Variants in PRPF39 observed in about 807,000 individuals in gnomAD.
The protein encoded by PRPF39 is pre-mRNA processing factor 39.
PRPF39 carries 27 observed loss-of-function variants against 82.1 expected under a neutral mutation model. The ratio of observed to expected loss-of-function variants is 0.33; its 90% CI spans 0.24 to 0.45. The LOEUF (loss-of-function observed/expected upper bound fraction) is 0.45, where lower values mean the gene tolerates loss of function less well. Among genes scored for constraint, PRPF39 ranks in the 20% least tolerant of loss-of-function variants. The probability of loss-of-function intolerance (pLI) is 1.00; values close to 1 mark genes in which losing one functional copy is unlikely to be tolerated. For synonymous variants in PRPF39, 261 were observed against 256.4 expected (o/e 1.02, Z -0.17); for missense variants, 581 against 796.9 (o/e 0.73, Z 3.26).
intron 1 of PRPF39, among the ~76,000 whole-genome samples, chr14:45,087,097 A>T (rs933872508): frequency 2.0e-5 from 3 of 152,118 alleles, no homozygotes; most frequent in African/African-American, 7.2e-5. Flanking sequence ...AATGGAAAGA[A>T]GGGGATAGTT....
At chr14:45,096,624 G>A (rs935600342) in intron 3 of PRPF39, 46 of 1,477,880 alleles carry the variant, frequency 3.1e-5, no homozygotes, top group Non-Finnish European at 3.9e-5. Context: ...TAATGGGTCT[G>A]TGCCCTATGG....
At chr14:45,112,540 T>C in intron 11 of PRPF39, 38 bp downstream of exon 11, 2 of 1,417,568 alleles carry the variant, frequency 1.4e-6, no homozygotes, top group African/African-American at 1.5e-5. Context: ...GAATGATAAA[T>C]GAGCATTGAT....
intron 1 of PRPF39, among the ~76,000 whole-genome samples, chr14:45,090,718 G>T (rs1883993812): frequency 6.6e-6 from 1 of 152,084 alleles, no homozygotes. Flanking sequence ...CTCCAAATGT[G>T]TGTGTGTATG....
At chr14:45,102,756 A>C in intron 5 of PRPF39, 60 bp downstream of exon 5, 3 of 1,393,718 alleles carry the variant, frequency 2.2e-6, no homozygotes, top group Non-Finnish European at 2.9e-6. Context: ...TGGTAATATT[A>C]AGTATTATAA....
At chr14:45,112,262 TC>T in intron 10 of PRPF39, 55 bp from the exon 11 acceptor site, 1 of 1,374,454 alleles carries the variant, frequency 7.3e-7, no homozygotes, top group Non-Finnish European at 9.7e-7. Flanking sequence ...ATTTTAAATA[TC>T]TGTGCTCTAA....
intron 2 of PRPF39, 173 bp downstream of exon 2, chr14:45,095,736 A>G (rs912887843): frequency 4.6e-6 from 4 of 867,474 alleles, no homozygotes; most frequent in African/African-American, 1.7e-5. Flanking sequence ...CAGCTTTTGT[A>G]TGTTGTAGAG....
chr14:45,112,288 A>G (rs2139067829), intron 10 of PRPF39, 30 bp from the exon 11 acceptor site: 1 of 1,515,254 alleles, frequency 6.6e-7, no homozygotes. Flanking sequence ...AATATTTTAG[A>G]AATATTCATT....
chr14:45,096,306 T>G, intron 3 of PRPF39, 78 bp downstream of exon 3: 1 of 1,498,278 alleles, frequency 6.7e-7, no homozygotes, highest in Admixed American at 2.5e-5. Flanking sequence ...TTTTTTTTTT[T>G]TTTTTTTTTT....
intron 11 of PRPF39, among the ~76,000 whole-genome samples, chr14:45,112,854 G>A (rs1478987769): frequency 6.6e-6 from 1 of 152,194 alleles, no homozygotes; most frequent in Non-Finnish European, 1.5e-5. Context: ...AATAAAGATG[G>A]ATGGGATTAA....
Position 45,108,442 on chromosome 14 carries a change from C to A in PRPF39, c.931C>A (p.His311Asn). The A allele has an allele frequency of 6.3e-7, 1 of 1,591,828 alleles. No homozygotes were observed. The highest frequency in any genetic ancestry group is 1.4e-5 in the African/African-American group (1 of 73,502). Reference protein sequence around the residue: ...KLITEIENMRHRIIEIHQEMF... With the variant: ...KLITEIENMRNRIIEIHQEMF... ...AATTACAGAAATAGAAAACATGAGA[C>A]ATAGAATCATTGAGATTCATCAAGA... The change falls in exon 7 of 14, where the codon CAT (histidine) becomes AAT (asparagine). Residue 311 changes from histidine (H) to asparagine (N), a missense_variant. By Grantham distance (68) the His-to-Asn change is moderately conservative. Coordinates refer to ENST00000355765, the MANE Select transcript of PRPF39 (RefSeq NM_017922.4).
chr14:45,095,338 T>C lies in PRPF39; in HGVS notation c.99T>C (p.Thr33=), dbSNP rs1487586886. The change falls in exon 2 of 14, where the codon ACT becomes ACC. Residue 33 remains threonine, a synonymous_variant. Transcript: ENST00000355765. ...TAGAACATCCTACTGATTTCAGTAC[T>C]GAGATTATGAACGTTACAGAAATGG... is the stretch of plus-strand genomic sequence containing the variant. ...VVVEHPTDFS[T]EIMNVTEMEQ... is the part of the protein sequence containing the mutation. The C allele has an allele frequency of 6.2e-7, 1 of 1,612,248 alleles. No individual in the cohort carries two copies. The highest frequency in any genetic ancestry group is 1.1e-5 in the South Asian group (1 of 91,048).
intron 1 of PRPF39, among the ~76,000 whole-genome samples, chr14:45,086,844 C>A (rs1339654059): frequency 7.2e-6 from 1 of 139,458 alleles, no homozygotes; most frequent in African/African-American, 2.7e-5. Context: ...CAGTGTTTCT[C>A]AGTTTTTTTT....
chr14:45,100,184 C>T (rs145760341), intron 4 of PRPF39, among the ~76,000 whole-genome samples: 8 of 152,196 alleles, frequency 5.3e-5, no homozygotes, highest in Non-Finnish European at 8.8e-5. Flanking sequence ...TAGCTGAGAT[C>T]GTGACATTGC....
chr14:45,094,993 T>A (rs1201780125), intron 1 of PRPF39, among the ~76,000 whole-genome samples: 1 of 152,220 alleles, frequency 6.6e-6, no homozygotes, highest in Non-Finnish European at 1.5e-5. Flanking sequence ...CCACAGTTAT[T>A]TGGTTTTCAT....
chr14:45,092,530 G>T (rs1287202336), intron 1 of PRPF39, among the ~76,000 whole-genome samples: 1 of 150,952 alleles, frequency 6.6e-6, no homozygotes, highest in Non-Finnish European at 1.5e-5. Flanking sequence ...GAACCCGGAA[G>T]GCGAGGGCTG....
Position 45,108,535 on chromosome 14 carries a change from G to C in PRPF39, c.1011+13G>C. 1 of 1,576,622 alleles carries C rather than the reference G, an allele frequency of 6.3e-7. No homozygotes were observed. On this transcript the variant is annotated intron_variant, in intron 7 of 13. Transcript: ENST00000355765. ...ATTTGAAGAAGGTGTAAGTGTTTTT[G>C]TTTTGTAATAGTCTTTAAAATACAA...
chr14:45,098,849 T>C (rs1342067551), intron 4 of PRPF39, among the ~76,000 whole-genome samples: 1 of 152,228 alleles, frequency 6.6e-6, no homozygotes, highest in African/African-American at 2.4e-5. Flanking sequence ...TCTCACTCTT[T>C]TCTTGATTTC....
rs1241989962 is a variant in PRPF39 at position 45,102,613 on chromosome 14, G to A, written c.654G>A (p.Glu218=). The change falls in exon 5 of 14, where the codon GAG becomes GAA. Residue 218 remains glutamate (E), a synonymous_variant. Transcript: ENST00000355765. ...AAATGTATATAAACTGGGAAAATGAGCAGGGAAACCTGAGAGAAGTTACAG... is the reference window on the plus strand; with the variant it reads ...AAATGTATATAAACTGGGAAAATGAACAGGGAAACCTGAGAGAAGTTACAG... ...LWEMYINWEN[E]QGNLREVTAI... is the part of the protein sequence containing the mutation. 1.2e-6 allele frequency: 2 copies of A among 1,611,614 alleles called. No individual in the cohort carries two copies. The highest frequency in any genetic ancestry group is 8.5e-7 in the Non-Finnish European group (1 of 1,178,206).
intron 7 of PRPF39, among the ~76,000 whole-genome samples, chr14:45,108,812 T>C (rs1566698068): frequency 6.6e-6 from 1 of 152,330 alleles, no homozygotes; most frequent in East Asian, 1.9e-4. Flanking sequence ...GGTTATACTT[T>C]ACATACATTA....
Sources: gnomAD v4.1 joint callset for allele counts (sites outside exome capture counted in the v4.1 genomes callset) on GRCh38, gnomAD v4.1.1 for gene constraint, MANE v1.5 for transcripts, NCBI Gene and HGNC (gene_info 2026-07-23, HGNC 2026-07-21) for gene names.